The following TBC1D23 variants were observed in gnomAD, a reference collection of about 807,000 sequenced individuals.
The protein encoded by TBC1D23 is TBC1 domain family member 23.
A neutral mutation model predicts 91.4 loss-of-function variants in TBC1D23; 55 were observed. The ratio of observed to expected loss-of-function variants is 0.60; its 90% CI spans 0.48 to 0.75. TBC1D23 has a LOEUF of 0.75. Ranked by LOEUF, TBC1D23 falls within the 30% of genes least tolerant of loss-of-function variation. The pLI, the probability that TBC1D23 is intolerant of heterozygous loss-of-function variation, is 0.00. For missense variants in TBC1D23, 725 were observed against 836.1 expected, an observed-to-expected ratio of 0.87 and a Z score of 1.64; for synonymous variants, 289 against 281.0, an observed-to-expected ratio of 1.03 and a Z score of -0.28.
At chr3:100,322,208 C>T (rs946210046) in intron 18 of TBC1D23, among the ~76,000 whole-genome samples, 1 of 152,132 alleles carries the variant, frequency 6.6e-6, no homozygotes, top group Non-Finnish European at 1.5e-5. Context: ...ATTCTCCCTG[C>T]CTCAGCCTAC....
In TBC1D23 at chr3:100,323,615, A is replaced by T; in HGVS notation, c.2047A>T (p.Thr683Ser). The change falls in exon 19 of 19, where the codon ACT becomes TCT. Residue 683 changes from threonine (T) to serine (S), a missense_variant. Transcript: ENST00000394144. The part of the protein sequence containing the change: ...RYLIPNAGDA[T>S]KAIKQQIMKV... Reference sequence around the variant, plus strand: ...TTTGATTCCAAATGCAGGGGATGCAACTAAAGCCATAAAACAGCAGATCAT... The same window carrying T: ...TTTGATTCCAAATGCAGGGGATGCATCTAAAGCCATAAAACAGCAGATCAT... 6.5e-7 allele frequency: 1 copy of T among 1,535,968 alleles called. No individual in the cohort carries two copies. The highest frequency in any genetic ancestry group is 8.8e-7 in the Non-Finnish European group (1 of 1,141,826).
intron 11 of TBC1D23, among the ~76,000 whole-genome samples, chr3:100,303,732 T>G (rs1203787759): frequency 6.6e-6 from 1 of 152,202 alleles, no homozygotes; most frequent in African/African-American, 2.4e-5. Flanking sequence ...GTCATGCCAC[T>G]GTACTCCAGC....
In TBC1D23 at chr3:100,276,086, T is replaced by TA. The variant is rs71625558; in HGVS notation, c.54-3547dup. On this transcript the variant is annotated intron_variant, in intron 1 of 18. Transcript: ENST00000394144. ...TCTTTAAGTGCAGAAAGATACTTGT[T>TA]AAAAAAAAAAAAAAAAGGAGATGAA... Among the ~76,000 whole-genome samples, 400 of 138,638 alleles carry TA rather than the reference T, an allele frequency of 2.9e-3. 1 individual carries two copies. Among genetic ancestry groups the TA allele is most frequent in the African/African-American group, 5.6e-3 (209 of 37,384 alleles). The allele number at this position is 138,638 out of a possible 152,430, so 91.0% of individuals were successfully genotyped here. A position where few individuals can be genotyped will look rare whatever the true frequency, so the allele number is the denominator to read the frequency against.
chr3:100,276,632 A>G (rs2067651132), intron 1 of TBC1D23, among the ~76,000 whole-genome samples: 1 of 152,198 alleles, frequency 6.6e-6, no homozygotes, highest in African/African-American at 2.4e-5. Flanking sequence ...ATCCAGTGAC[A>G]TTGTTTGCCT....
At chr3:100,303,269 ATGT>A (rs1705465062) in intron 11 of TBC1D23, among the ~76,000 whole-genome samples, 1 of 152,154 alleles carries the variant, frequency 6.6e-6, no homozygotes, top group African/African-American at 2.4e-5. Context: ...ATTTCTATTT[ATGT>A]TGTATTTTAC....
chr3:100,323,279 A>ATTTTTTATCTTG (rs1374524397), intron 18 of TBC1D23, among the ~76,000 whole-genome samples: 1 of 152,160 alleles, frequency 6.6e-6, no homozygotes, highest in African/African-American at 2.4e-5. Flanking sequence ...GGAATATTAT[A>ATTTTTTATCTTG]TTTTTTATCT....
chr3:100,263,096 A>G (rs2067527647), intron 1 of TBC1D23, among the ~76,000 whole-genome samples: 1 of 152,188 alleles, frequency 6.6e-6, no homozygotes, highest in Non-Finnish European at 1.5e-5. Flanking sequence ...CTGAGTCCGA[A>G]AAGAGAGTCA....
At chr3:100,274,143 A>G (rs2067625798) in intron 1 of TBC1D23, among the ~76,000 whole-genome samples, 1 of 152,218 alleles carries the variant, frequency 6.6e-6, no homozygotes, top group African/African-American at 2.4e-5. Context: ...CATTTTAAGA[A>G]AGTAAGCTGT....
At chr3:100,294,491 C>T (rs2067820665) in intron 5 of TBC1D23, among the ~76,000 whole-genome samples, 1 of 152,084 alleles carries the variant, frequency 6.6e-6, no homozygotes, top group Admixed American at 6.6e-5. Flanking sequence ...AAACTCCTGA[C>T]CTCAGGTGAT....
At chr3:100,319,304 T>C in intron 17 of TBC1D23, 100 bp downstream of exon 17, 2 of 948,358 alleles carry the variant, frequency 2.1e-6, no homozygotes, top group Admixed American at 2.4e-5. Context: ...CCTAGTACAA[T>C]AAGATATAAT....
intron 10 of TBC1D23, chr3:100,301,838 C>A: frequency 2.4e-6 from 1 of 419,932 alleles, no homozygotes; most frequent in Non-Finnish European, 4.1e-6. Flanking sequence ...GAATTATTTT[C>A]TTTGCATCAA....
chr3:100,278,473 C>T (rs1201679863), intron 1 of TBC1D23, among the ~76,000 whole-genome samples: 1 of 151,904 alleles, frequency 6.6e-6, no homozygotes, highest in Non-Finnish European at 1.5e-5. Flanking sequence ...GCAACCTCCG[C>T]CTCCTGGGTT....
rs140265970 is a variant in TBC1D23 at position 100,270,063 on chromosome 3, C to T, written c.53+8992C>T. Among the ~76,000 whole-genome samples, 7 of 152,230 alleles carry T rather than the reference C, an allele frequency of 4.6e-5. No homozygotes were observed. The South Asian group carries it at 8.3e-4, about 18-fold the overall frequency. On this transcript the variant is annotated intron_variant, in intron 1 of 18. Transcript: ENST00000394144. ...ATATGAATAAATTGCACTTCAGAGCCGCTCCCACCTCTGTTCAACAGGATT... is the reference window on the plus strand; with the variant it reads ...ATATGAATAAATTGCACTTCAGAGCTGCTCCCACCTCTGTTCAACAGGATT...
intron 4 of TBC1D23, among the ~76,000 whole-genome samples, chr3:100,286,782 C>T (rs183465624): frequency 1.3e-5 from 2 of 150,870 alleles, no homozygotes; most frequent in East Asian, 3.9e-4. Flanking sequence ...AGGCGTGAGC[C>T]ACCACTCCCA....
At chr3:100,285,456 A>G (rs1034168108) in intron 4 of TBC1D23, among the ~76,000 whole-genome samples, 10 of 152,178 alleles carry the variant, frequency 6.6e-5, no homozygotes, top group African/African-American at 2.4e-4. Context: ...GTATGCGTAT[A>G]CCGCATTTTA....
At chr3:100,306,862 T>C (rs935872419) in intron 13 of TBC1D23, among the ~76,000 whole-genome samples, 3 of 152,230 alleles carry the variant, frequency 2.0e-5, no homozygotes, top group African/African-American at 7.2e-5. Context: ...TAAATATCAA[T>C]GGGGACAAAT....
intron 5 of TBC1D23, among the ~76,000 whole-genome samples, chr3:100,294,249 AT>A (rs915815707): frequency 4.0e-5 from 6 of 149,702 alleles, no homozygotes; most frequent in African/African-American, 9.8e-5. Flanking sequence ...AATGTTATTT[AT>A]TTTTTTTTGT....
intron 5 of TBC1D23, 82 bp from the exon 6 acceptor site, chr3:100,295,005 T>C: frequency 7.6e-7 from 1 of 1,313,306 alleles, no homozygotes; most frequent in African/African-American, 1.5e-5. Context: ...ATATAATGTT[T>C]CTTATTCATT....
chr3:100,273,866 CAAGATGG>C (rs1307554667), intron 1 of TBC1D23, among the ~76,000 whole-genome samples: 1 of 152,110 alleles, frequency 6.6e-6, no homozygotes, highest in Non-Finnish European at 1.5e-5. Context: ...AAAATCAACT[CAAGATGG>C]AAGCCTAAAA....
Sources: allele counts gnomAD v4.1 joint callset (sites outside exome capture counted in the v4.1 genomes callset), GRCh38; gene constraint gnomAD v4.1.1; transcripts MANE v1.5; gene names NCBI Gene and HGNC (gene_info 2026-07-23, HGNC 2026-07-21).